ULK4: variants seen among roughly 807,000 people sequenced by gnomAD.
ULK4 encodes unc-51 like kinase 4.
Under a neutral mutation model 160.6 loss-of-function variants are expected in ULK4, and 133 were observed. The observed-to-expected ratio is 0.83, with a 90% confidence interval of 0.72 to 0.96. The LOEUF (loss-of-function observed/expected upper bound fraction) is 0.96. Among genes scored for constraint, ULK4 ranks in the 40% least tolerant of loss-of-function variants. The pLI is 0.00. For missense variants in ULK4, 1,580 were observed against 1,499.5 expected (o/e 1.05, Z -0.89); for synonymous variants, 534 against 539.8 (o/e 0.99, Z 0.15).
intron 35 of ULK4, among the ~76,000 whole-genome samples, chr3:41,358,375 A>T (rs916868047): frequency 1.3e-5 from 2 of 152,236 alleles, no homozygotes; most frequent in African/African-American, 4.8e-5. Context: ...AAAATAAACA[A>T]GCAAATAGGC....
chr3:41,289,920 G>C (rs1009730791), intron 35 of ULK4, among the ~76,000 whole-genome samples: 4 of 152,022 alleles, frequency 2.6e-5, no homozygotes, highest in Non-Finnish European at 5.9e-5. Flanking sequence ...TTGTTGCCCA[G>C]GCTGGAGCAC....
chr3:41,394,086 T>C (rs1406894828), intron 35 of ULK4, among the ~76,000 whole-genome samples: 2 of 152,066 alleles, frequency 1.3e-5, no homozygotes, highest in Non-Finnish European at 2.9e-5. Flanking sequence ...CCACAAGTAG[T>C]AACCAACAAC....
intron 35 of ULK4, among the ~76,000 whole-genome samples, chr3:41,339,394 G>C (rs1015133561): frequency 6.6e-6 from 1 of 152,094 alleles, no homozygotes; most frequent in Non-Finnish European, 1.5e-5. Flanking sequence ...CAGGACCCTG[G>C]CCTCAAGTGG....
intron 27 of ULK4, among the ~76,000 whole-genome samples, chr3:41,696,025 C>T (rs2036484983): frequency 6.6e-6 from 1 of 152,150 alleles, no homozygotes; most frequent in African/African-American, 2.4e-5. Context: ...GGGAAGACGC[C>T]CGCTGCCAAG....
intron 34 of ULK4, among the ~76,000 whole-genome samples, chr3:41,441,647 C>T (rs191641425): frequency 6.6e-5 from 10 of 152,048 alleles, no homozygotes; most frequent in African/African-American, 1.4e-4. Context: ...GTTCAGTGTG[C>T]GCTTCCAATA....
intron 31 of ULK4, among the ~76,000 whole-genome samples, chr3:41,570,364 G>A (rs78964030): frequency 6.6e-5 from 10 of 152,164 alleles, no homozygotes; most frequent in African/African-American, 2.2e-4. Context: ...GCAATGGTCT[G>A]CCACCAATTT....
In ULK4 at chr3:41,395,700, T is replaced by C. The variant is rs1264254452; in HGVS notation, c.3678+2379A>G. Among the ~76,000 whole-genome samples, 4 of 152,130 alleles carry C rather than the reference T, an allele frequency of 2.6e-5. No individual in the cohort carries two copies. The East Asian group carries it at 5.8e-4, about 22-fold the overall frequency. ...ATGAAAAAGTTGTGGAGATGGATAA[T>C]AGTGATGGTTGCACAACAATGTGAA... On this transcript the variant is annotated intron_variant, in intron 35 of 36. Transcript: ENST00000301831.
At chr3:41,383,033 G>T (rs761206502) in intron 35 of ULK4, among the ~76,000 whole-genome samples, 13 of 151,238 alleles carry the variant, frequency 8.6e-5, no homozygotes, top group Non-Finnish European at 1.9e-4. Flanking sequence ...ATAAGAGAAG[G>T]CCCCTTAAAA....
intron 30 of ULK4, among the ~76,000 whole-genome samples, chr3:41,655,838 T>C (rs890934270): frequency 6.6e-6 from 1 of 152,192 alleles, no homozygotes; most frequent in Non-Finnish European, 1.5e-5. Flanking sequence ...ATCTCAAACA[T>C]CTCTGATGAT....
chr3:41,621,989 T>C (rs144243396), intron 30 of ULK4, among the ~76,000 whole-genome samples: 2 of 152,192 alleles, frequency 1.3e-5, no homozygotes, highest in African/African-American at 4.8e-5. Flanking sequence ...GACATTTACG[T>C]GGCCAACAAA....
chr3:41,555,116 G>C (rs1206730676), intron 32 of ULK4, among the ~76,000 whole-genome samples: 1 of 151,800 alleles, frequency 6.6e-6, no homozygotes, highest in Non-Finnish European at 1.5e-5. Flanking sequence ...GAATTAATAG[G>C]TAAAAACATA....
intron 34 of ULK4, among the ~76,000 whole-genome samples, chr3:41,441,145 G>A (rs1398616990): frequency 6.6e-6 from 1 of 151,902 alleles, no homozygotes; most frequent in Non-Finnish European, 1.5e-5. Context: ...TTTTTGATTT[G>A]ATTTCTGTAA....
At chr3:41,501,925 C>T (rs1311586735) in intron 32 of ULK4, among the ~76,000 whole-genome samples, 1 of 152,204 alleles carries the variant, frequency 6.6e-6, no homozygotes, top group Non-Finnish European at 1.5e-5. Flanking sequence ...CTGTACTACA[C>T]ATATAAGTGA....
At chr3:41,881,200 ATAATGGT>A (rs1374718978) in intron 17 of ULK4, among the ~76,000 whole-genome samples, 1 of 151,158 alleles carries the variant, frequency 6.6e-6, no homozygotes, top group African/African-American at 2.4e-5. Context: ...TGGAGAGACT[ATAATGGT>A]TTTCATTCAT....
chr3:41,735,176 C>G (rs556847692), intron 22 of ULK4, among the ~76,000 whole-genome samples: 2 of 151,910 alleles, frequency 1.3e-5, no homozygotes, highest in Non-Finnish European at 2.9e-5. Context: ...CTAATGAATG[C>G]GAAAAGGAAG....
intron 35 of ULK4, among the ~76,000 whole-genome samples, chr3:41,270,604 G>A (rs2079123480): frequency 6.6e-6 from 1 of 152,162 alleles, no homozygotes; most frequent in African/African-American, 2.4e-5. Context: ...GTTAGTAGCT[G>A]GTAATGGTAA....
chr3:41,735,039 G>C (rs1170404563), intron 22 of ULK4, among the ~76,000 whole-genome samples: 2 of 152,162 alleles, frequency 1.3e-5, no homozygotes, highest in Non-Finnish European at 2.9e-5. Context: ...CAGAAAACCT[G>C]GCACAAAGGT....
chr3:41,770,125 C>T (rs546627469), intron 21 of ULK4, among the ~76,000 whole-genome samples: 49 of 152,298 alleles, frequency 3.2e-4, no homozygotes, highest in African/African-American at 1.2e-3. Flanking sequence ...TCACAATATA[C>T]ACACATAATC....
chr3:41,539,191 A>G (rs766065479), intron 32 of ULK4, among the ~76,000 whole-genome samples: 208 of 152,258 alleles, frequency 1.4e-3, no homozygotes, highest in Non-Finnish European at 1.4e-3. Context: ...TCAAGGGTCA[A>G]CTGTATTTTA....
Sources: allele counts gnomAD v4.1 joint callset (sites outside exome capture counted in the v4.1 genomes callset), GRCh38; gene constraint gnomAD v4.1.1; transcripts MANE v1.5; gene names NCBI Gene and HGNC (gene_info 2026-07-23, HGNC 2026-07-21).